Variants in ZSCAN20 observed in about 807,000 individuals in gnomAD.
The protein encoded by ZSCAN20 is zinc finger and SCAN domain containing 20.
Under a neutral mutation model 97.1 loss-of-function variants are expected in ZSCAN20, and 39 were observed. That is an observed-to-expected ratio of 0.40 (90% CI 0.31 to 0.52). The LOEUF (loss-of-function observed/expected upper bound fraction) is 0.52. Ranked by LOEUF, ZSCAN20 falls within the 20% of genes least tolerant of loss-of-function variation. The pLI is 0.49. For missense variants in ZSCAN20, 1,115 were observed against 1,290.4 expected (o/e 0.86, Z 2.08); for synonymous variants, 456 against 467.3 (o/e 0.98, Z 0.31).
At position 33,498,625 on chromosome 1, in the gene ZSCAN20, CT is replaced by C. The variant is rs1239364792; in HGVS notation, c.*3150del. 6.6e-6 allele frequency among the ~76,000 whole-genome samples: 1 copy of C among 152,204 alleles called. No homozygotes were observed. Among genetic ancestry groups the C allele is most frequent in the Non-Finnish European group, 1.5e-5 (1 of 68,038 alleles). On this transcript the variant is annotated 3_prime_UTR_variant, in exon 8 of 8. Transcript: ENST00000684572. ...TCTGCTCTTGGGAAGTAGATTCACT[CT>C]GCAGAATGGGTGGACAGTTTCTCAG...
rs1379845164 is a variant in ZSCAN20, at chr1:33,497,151, A to G, written c.*1675A>G. Among the ~76,000 whole-genome samples, 10 of 152,184 alleles carry G rather than the reference A, an allele frequency of 6.6e-5. No homozygotes were observed. The highest frequency in any genetic ancestry group is 1.5e-4 in the Non-Finnish European group (10 of 68,036). On this transcript the variant is annotated 3_prime_UTR_variant, in exon 8 of 8. Coordinates refer to ENST00000684572, the MANE Select transcript of ZSCAN20 (RefSeq NM_001377376.1). ...ACTTTTATTAACATGTGAGGAAGCC[A>G]GTGGAGAGATTTGCTACTCCCACAG...
rs1652596124 is a variant in ZSCAN20 at position 33,491,301 on chromosome 1, G to A, written c.1043G>A (p.Arg348Gln). Residue 348 changes from arginine to glutamine, a missense_variant, in exon 6 of 8, where the codon CGG (arginine) becomes CAG (glutamine). Transcript: ENST00000684572. The surrounding 1 kb of genome is among the most constrained non-coding windows in gnomAD (Gnocchi z 4.3). Reference protein sequence around the residue: ...LSESPFSEKLRTCHQNRQVYR... With the variant: ...LSESPFSEKLQTCHQNRQVYR... ...GAATCTCCTTTCTCTGAAAAGCTCCGGACTTGTCACCAGAACCGCCAGGTA... is the reference window on the plus strand; with the variant it reads ...GAATCTCCTTTCTCTGAAAAGCTCCAGACTTGTCACCAGAACCGCCAGGTA... 8 of 1,613,998 alleles carry A rather than the reference G, an allele frequency of 5.0e-6. No individual in the cohort carries two copies. The highest frequency in any genetic ancestry group is 1.7e-5 in the Admixed American group (1 of 59,996).
At chr1:33,488,376 C>T (rs961973531) in intron 2 of ZSCAN20, 89 bp from the exon 3 acceptor site, 1 of 1,327,190 alleles carries the variant, frequency 7.5e-7, no homozygotes, top group African/African-American at 1.5e-5. Flanking sequence ...TTAAAAGAGC[C>T]TGTTAGCCTC....
At chr1:33,477,076 A>G (rs988949372) in intron 1 of ZSCAN20, among the ~76,000 whole-genome samples, 5 of 152,192 alleles carry the variant, frequency 3.3e-5, no homozygotes, top group African/African-American at 1.2e-4. Context: ...GATAATACCT[A>G]TATTAGAGGT....
At chr1:33,473,912 T>A (rs1485315862) in intron 1 of ZSCAN20, among the ~76,000 whole-genome samples, 1 of 152,210 alleles carries the variant, frequency 6.6e-6, no homozygotes, top group Non-Finnish European at 1.5e-5. Context: ...ATACTTGATG[T>A]ATGTATGTGT....
chr1:33,475,941 T>C (rs1651921949), intron 1 of ZSCAN20, among the ~76,000 whole-genome samples: 1 of 152,126 alleles, frequency 6.6e-6, no homozygotes, highest in Non-Finnish European at 1.5e-5. Flanking sequence ...GTGCTGGGAT[T>C]ACAGGCGTGA....
At chr1:33,476,669 A>G (rs2148445245) in intron 1 of ZSCAN20, among the ~76,000 whole-genome samples, 1 of 152,338 alleles carries the variant, frequency 6.6e-6, no homozygotes, top group East Asian at 1.9e-4. Flanking sequence ...CTTGTGTGAG[A>G]GGGTGACAGA....
At chr1:33,477,553 T>C (rs1651981829) in intron 1 of ZSCAN20, among the ~76,000 whole-genome samples, 1 of 151,600 alleles carries the variant, frequency 6.6e-6, no homozygotes, top group Non-Finnish European at 1.5e-5. Flanking sequence ...ATCCTTCTCA[T>C]ACAATGTCTC....
Position 33,493,566 on chromosome 1 carries a change from T to C in ZSCAN20, c.1824T>C (p.Asn608=), listed in dbSNP as rs147864027. 1.4e-3 allele frequency: 2,213 copies of C among 1,608,154 alleles called. 67 individuals carry two copies. In the East Asian group the frequency reaches 0.037, roughly 27 times the overall value. The change falls in exon 7 of 8, where the codon AAT becomes AAC. Residue 608 remains asparagine, a synonymous_variant. Coordinates refer to ENST00000684572, the MANE Select transcript of ZSCAN20 (RefSeq NM_001377376.1). This position sits in a 1 kb window ranked among gnomAD's most constrained non-coding sequence, Gnocchi z 4.3. Reference sequence around the variant, plus strand: ...AGGAGGCCTGGGGTGAAGTGGCCAATGAAGATGCTGTCAAACCTTCAACCT... The same window carrying C: ...AGGAGGCCTGGGGTGAAGTGGCCAACGAAGATGCTGTCAAACCTTCAACCT... ...DAQEAWGEVA[N]EDAVKPSTLC...
chr1:33,494,321 A>G lies in ZSCAN20; in HGVS notation c.1977A>G (p.Gln659=), dbSNP rs896729056. The part of the protein sequence containing the change: ...LSKCPTEAVC[Q]PLDWGEDSEN... ...AATGTCCTACAGAAGCTGTTTGCCA[A>G]CCTCTTGACTGGGGAGAAGACAGTG... The change falls in exon 8 of 8, where the codon CAA becomes CAG. Residue 659 remains glutamine (Q), a synonymous_variant. Transcript: ENST00000684572. The G allele has an allele frequency of 8.7e-6, 14 of 1,614,068 alleles. No individual in the cohort carries two copies. The highest frequency in any genetic ancestry group is 1.3e-5 in the African/African-American group (1 of 74,928).
chr1:33,481,078 C>G (rs1652137997), intron 2 of ZSCAN20, among the ~76,000 whole-genome samples: 1 of 152,168 alleles, frequency 6.6e-6, no homozygotes, highest in Non-Finnish European at 1.5e-5. Context: ...AGACCGGTGA[C>G]TTTGCTCTTT....
At chr1:33,472,745 A>G (rs1404067590) in intron 1 of ZSCAN20, 54 bp downstream of exon 1, 1 of 148,490 alleles carries the variant, frequency 6.7e-6, no homozygotes, top group African/African-American at 2.5e-5. Context: ...TGGGCTGGAG[A>G]CTTAGGAGGT....
Position 33,496,953 on chromosome 1 carries a change from C to G in ZSCAN20, c.*1477C>G, listed in dbSNP as rs1652891566. On this transcript the variant is annotated 3_prime_UTR_variant, in exon 8 of 8. Transcript: ENST00000684572. The stretch of plus-strand genomic sequence containing the variant: ...AGCACTTTGGCCTCCAGAGTTTCTC[C>G]TTAGAAGGGTTTAAAACTGTTGACC... Among the ~76,000 whole-genome samples the G allele has an allele frequency of 6.6e-6, 1 of 152,216 alleles. No individual in the cohort carries two copies. Among genetic ancestry groups the G allele is most frequent in the East Asian group, 1.9e-4 (1 of 5,196 alleles).
At position 33,491,225 on chromosome 1, in the gene ZSCAN20, G is replaced by A; in HGVS notation, c.967G>A (p.Gly323Ser). 6.2e-7 allele frequency: 1 copy of A among 1,614,188 alleles called. No individual in the cohort carries two copies. The highest frequency in any genetic ancestry group is 8.5e-7 in the Non-Finnish European group (1 of 1,180,038). Residue 323 changes from glycine (G) to serine (S), a missense_variant, in exon 6 of 8, where the codon GGT (glycine) becomes AGT (serine). Physicochemically the swap from Gly to Ser is moderately conservative, Grantham distance 56. This residue lies in a region of ZSCAN20 where 508 missense variants were observed against 611.2 expected (regional missense o/e 0.83). Transcript: ENST00000684572. This position sits in a 1 kb window ranked among gnomAD's most constrained non-coding sequence, Gnocchi z 4.3. ...QWDVEDMKVS[G>S]VHWGYEETKT... ...GGATGTGGAGGACATGAAGGTGTCA[G>A]GTGTTCACTGGGGCTATGAGGAGAC...
chr1:33,494,489 C>G lies in ZSCAN20; in HGVS notation c.2145C>G (p.Cys715Trp). Residue 715 changes from cysteine (C) to tryptophan (W), a missense_variant, in exon 8 of 8, where the codon TGC becomes TGG. Coordinates refer to ENST00000684572, the MANE Select transcript of ZSCAN20 (RefSeq NM_001377376.1). ...LAEKPYKCDT[C>W]MKSFSRSSHF... ...AGAAACCCTACAAGTGTGACACATG[C>G]ATGAAGAGCTTCAGTCGGAGCTCCC... The G allele has an allele frequency of 1.2e-6, 2 of 1,614,236 alleles. No individual in the cohort carries two copies. The highest frequency in any genetic ancestry group is 1.7e-6 in the Non-Finnish European group (2 of 1,180,024).
In ZSCAN20 at chr1:33,494,880, G is replaced by C. The variant is rs753378014; in HGVS notation, c.2536G>C (p.Glu846Gln). ...TAGTGCTCACTGGAGGAATTCTACA[G>C]AAGAGACAGCTCCTGAACAACCTCA... ...SFSAHWRNST[E>Q]ETAPEQPQSI... Residue 846 changes from glutamate to glutamine, a missense_variant, in exon 8 of 8, where the codon GAA becomes CAA. Coordinates refer to ENST00000684572, the MANE Select transcript of ZSCAN20 (RefSeq NM_001377376.1). 2.5e-6 allele frequency: 4 copies of C among 1,614,222 alleles called. No individual in the cohort carries two copies. The highest frequency in any genetic ancestry group is 3.4e-6 in the Non-Finnish European group (4 of 1,180,052).
At chr1:33,484,300 A>G (rs1362356409) in intron 2 of ZSCAN20, among the ~76,000 whole-genome samples, 3 of 152,306 alleles carry the variant, frequency 2.0e-5, no homozygotes, top group South Asian at 2.1e-4. Context: ...GTTTCTTACC[A>G]TTAAGTAGGA....
At position 33,498,281 on chromosome 1, in the gene ZSCAN20, G is replaced by A. The variant is rs1652945205; in HGVS notation, c.*2805G>A. Reference sequence around the variant, plus strand: ...CTTGGTCACCCTTTCCCCTGGGTTTGGTAGTGTGTTAGTGTCTCATATCTT... The same window carrying A: ...CTTGGTCACCCTTTCCCCTGGGTTTAGTAGTGTGTTAGTGTCTCATATCTT... On this transcript the variant is annotated 3_prime_UTR_variant, in exon 8 of 8. Coordinates refer to ENST00000684572, the MANE Select transcript of ZSCAN20 (RefSeq NM_001377376.1). Among the ~76,000 whole-genome samples, 1 of 152,174 alleles carries A rather than the reference G, an allele frequency of 6.6e-6. No homozygotes were observed. The highest frequency in any genetic ancestry group is 1.5e-5 in the Non-Finnish European group (1 of 68,022).
intron 2 of ZSCAN20, among the ~76,000 whole-genome samples, chr1:33,481,050 T>TG (rs974055710): frequency 2.0e-4 from 31 of 152,210 alleles, no homozygotes; most frequent in African/African-American, 7.2e-4. Context: ...AGTGTGAGGT[T>TG]GGGGGAGCAA....
Sources: allele counts gnomAD v4.1 joint callset (sites outside exome capture counted in the v4.1 genomes callset), GRCh38; gene constraint gnomAD v4.1.1; regional missense constraint gnomAD v4.1.1; non-coding constraint Gnocchi (gnomAD v3.1); transcripts MANE v1.5; gene names NCBI Gene and HGNC (gene_info 2026-07-23, HGNC 2026-07-21).